The following CLCN5 variants were observed in gnomAD, a reference collection of about 807,000 sequenced individuals.
CLCN5 encodes H(+)/Cl(-) exchange transporter 5.
A neutral mutation model predicts 54.0 loss-of-function variants in CLCN5; 17 were observed. That is an observed-to-expected ratio of 0.31 (90% CI 0.22 to 0.47). The LOEUF is 0.47. CLCN5 is among the 20% of genes least tolerant of loss of function. The pLI is 1.00. For synonymous variants in CLCN5, 222 were observed against 233.0 expected (o/e 0.95, Z 0.43); for missense variants, 448 against 646.7 (o/e 0.69, Z 3.33).
At chrX:50,064,504 TAAAAG>T (rs1932930637) in intron 4 of CLCN5, among the ~76,000 whole-genome samples, 1 of 83,471 alleles carries the variant, frequency 1.2e-5, no homozygotes, top group Non-Finnish European at 2.3e-5. Flanking sequence ...CTCAAGGAAA[TAAAAG>T]AGGATACAAA....
At chrX:49,933,464 G>A (rs190579709) in intron 3 of CLCN5, among the ~76,000 whole-genome samples, 2 of 111,708 alleles carry the variant, frequency 1.8e-5, no homozygotes, top group East Asian at 2.8e-4. Flanking sequence ...CTTGGAGTGC[G>A]ATAACCTGAA....
intron 3 of CLCN5, among the ~76,000 whole-genome samples, chrX:49,936,002 A>C (rs1224748511): frequency 1.8e-5 from 2 of 111,339 alleles, no homozygotes; most frequent in Non-Finnish European, 3.8e-5. Flanking sequence ...CCCAGCACAT[A>C]GTATGTGCTC....
At chrX:49,962,347 T>C (rs1781872000) in intron 3 of CLCN5, among the ~76,000 whole-genome samples, 1 of 111,565 alleles carries the variant, frequency 9.0e-6, no homozygotes, top group Non-Finnish European at 1.9e-5. Flanking sequence ...GAAAATGCCA[T>C]GAAGACACCC....
intron 3 of CLCN5, among the ~76,000 whole-genome samples, chrX:49,976,184 C>T (rs1375345954): frequency 8.9e-6 from 1 of 112,373 alleles, no homozygotes. Context: ...TAGGAAAATT[C>T]TAGGGTCCTA....
chrX:50,036,848 C>T (rs1366856431), intron 3 of CLCN5, among the ~76,000 whole-genome samples: 3 of 112,080 alleles, frequency 2.7e-5, no homozygotes, highest in African/African-American at 9.7e-5. Flanking sequence ...AATAAATTTA[C>T]ACTAAAAGAA....
intron 5 of CLCN5, among the ~76,000 whole-genome samples, chrX:50,071,388 G>A (rs894097695): frequency 5.4e-5 from 6 of 111,681 alleles, no homozygotes; most frequent in Admixed American, 9.5e-5. Flanking sequence ...TTCATCAGGC[G>A]GGCTTTAGAA....
At chrX:50,081,018 T>C (rs1301014154) in intron 8 of CLCN5, among the ~76,000 whole-genome samples, 2 of 111,404 alleles carry the variant, frequency 1.8e-5, no homozygotes, top group Non-Finnish European at 3.8e-5. Context: ...GAAAAAGCAG[T>C]GTTATTGTCA....
rs781897139 is a variant in CLCN5, at chrX:49,932,510, C to T, written c.16+7196C>T. On this transcript the variant is annotated intron_variant, in intron 3 of 14. Coordinates refer to ENST00000376091, the MANE Select transcript of CLCN5 (RefSeq NM_001127898.4). ...TCAACAAGTACCTGGCAGCAAGGAG[C>T]GCAGCATGTGTGGCCCCCTGGACAA... Among the ~76,000 whole-genome samples the T allele has an allele frequency of 7.1e-5, 8 of 111,932 alleles. No individual in the cohort carries two copies. The South Asian group carries it at 2.2e-3, about 31-fold the overall frequency.
At chrX:49,962,487 C>T (rs782806359) in intron 3 of CLCN5, among the ~76,000 whole-genome samples, 1 of 111,747 alleles carries the variant, frequency 8.9e-6, no homozygotes, top group African/African-American at 3.3e-5. Flanking sequence ...TAATTTATTC[C>T]TGCTTCTCCT....
chrX:49,996,790 A>G (rs928040146), intron 3 of CLCN5, among the ~76,000 whole-genome samples: 3 of 111,902 alleles, frequency 2.7e-5, no homozygotes, highest in Non-Finnish European at 5.6e-5. Flanking sequence ...CCACCTCATT[A>G]TTATTATTGC....
At chrX:49,984,460 CATTTGTACTGTAAG>C (rs1287060004) in intron 3 of CLCN5, among the ~76,000 whole-genome samples, 3 of 111,608 alleles carry the variant, frequency 2.7e-5, no homozygotes, top group Non-Finnish European at 5.7e-5. Context: ...TTTTAGGAAC[CATTTGTACTGTAAG>C]ATTATTATTT....
In CLCN5 at chrX:49,989,112, G is replaced by A. The variant is rs181787570; in HGVS notation, c.17-53204G>A. 2.7e-3 allele frequency among the ~76,000 whole-genome samples: 279 copies of A among 101,476 alleles called. 1 individual carries two copies. Among genetic ancestry groups the A allele is most frequent in the South Asian group, 6.6e-3 (14 of 2,121 alleles). 88.1% of individuals were successfully genotyped at this position (101,476 alleles called of 115,157 possible). ...TTTGGAGACAGGTTCTCTCTCTGTC[G>A]CCCAGGCTGGAGTGCAGTGGCATGA... On this transcript the variant is annotated intron_variant, in intron 3 of 14. Transcript: ENST00000376091.
intron 4 of CLCN5, among the ~76,000 whole-genome samples, chrX:50,057,756 G>T (rs868973469): frequency 9.3e-6 from 1 of 107,853 alleles, no homozygotes; most frequent in Non-Finnish European, 1.9e-5. Flanking sequence ...GGACTTAATT[G>T]AGTGGGAAAA....
intron 3 of CLCN5, among the ~76,000 whole-genome samples, chrX:50,028,975 A>G (rs782254015): frequency 8.9e-6 from 1 of 111,833 alleles, no homozygotes; most frequent in Non-Finnish European, 1.9e-5. Context: ...TAAAAAATCA[A>G]CTTTTAAAAA....
In CLCN5 at chrX:50,090,178, G is replaced by T; in HGVS notation, c.1807G>T (p.Glu603Ter). The T allele has an allele frequency of 8.3e-7, 1 of 1,211,348 alleles. No homozygotes were observed. The highest frequency in any genetic ancestry group is 1.7e-5 in the African/African-American group (1 of 57,857). The change falls in exon 13 of 15, where the codon GAA (glutamate) becomes TAA (stop). Residue 603 changes from glutamate to a stop codon, truncating the protein, a stop_gained. Coordinates refer to ENST00000376091, the MANE Select transcript of CLCN5 (RefSeq NM_001127898.4). LOFTEE classifies it high-confidence loss of function. ...AATGTTTGAACTGACTGGTGGCTTAGAATACATCGTGCCTCTGATGGCTGC... is the reference window on the plus strand; with the variant it reads ...AATGTTTGAACTGACTGGTGGCTTATAATACATCGTGCCTCTGATGGCTGC... ...VIMFELTGGLEYIVPLMAAAM... is the reference protein window; with the variant it reads ...VIMFELTGGL
intron 3 of CLCN5, among the ~76,000 whole-genome samples, chrX:50,033,074 A>T (rs1196923348): frequency 8.1e-5 from 9 of 110,672 alleles, no homozygotes; most frequent in Non-Finnish European, 1.7e-4. Context: ...TGTTCCATTG[A>T]TCTATATCTC....
chrX:50,019,456 CTTTTTTTTTTTCTT>C (rs1930959899), intron 3 of CLCN5, among the ~76,000 whole-genome samples: 1 of 64,424 alleles, frequency 1.6e-5, no homozygotes, highest in African/African-American at 6.0e-5. Context: ...TTCATGCTTA[CTTTTTTTTTTTCTT>C]TTTTTTTTTT....
chrX:50,034,052 T>C (rs782130068), intron 3 of CLCN5, among the ~76,000 whole-genome samples: 3 of 112,451 alleles, frequency 2.7e-5, no homozygotes, highest in African/African-American at 9.7e-5. Context: ...GAGAAAGTGC[T>C]ATGGGTTAAG....
chrX:50,014,520 A>G, intron 3 of CLCN5: 1 of 305,290 alleles, frequency 3.3e-6, no homozygotes, highest in Non-Finnish European at 6.4e-6. Flanking sequence ...CAAGACTCTC[A>G]TTCCTGTTCT....
Sources: allele counts gnomAD v4.1 joint callset (sites outside exome capture counted in the v4.1 genomes callset), GRCh38; gene constraint gnomAD v4.1.1; transcripts MANE v1.5; gene names NCBI Gene and HGNC (gene_info 2026-07-23, HGNC 2026-07-21).